Variants in SLIT3 observed in about 807,000 individuals in gnomAD.
SLIT3 encodes the protein slit homolog 3 protein.
A neutral mutation model predicts 184.0 loss-of-function variants in SLIT3; 68 were observed. That is an observed-to-expected ratio of 0.37 (90% CI 0.30 to 0.45). SLIT3 has a LOEUF of 0.45. Among genes scored for constraint, SLIT3 ranks in the 20% least tolerant of loss-of-function variants. The pLI is 1.00. For synonymous variants in SLIT3, 831 were observed against 828.6 expected (o/e 1.00, Z -0.05); for missense variants, 1,707 against 2,026.0 (o/e 0.84, Z 3.02).
At chr5:169,261,380 C>T (rs1277865296) in intron 1 of SLIT3, among the ~76,000 whole-genome samples, 3 of 152,216 alleles carry the variant, frequency 2.0e-5, no homozygotes, top group African/African-American at 7.2e-5. Flanking sequence ...AGGATAACTG[C>T]CAGCAGATTT....
rs10074354 is a variant in SLIT3 at position 168,801,084 on chromosome 5, C to A, written c.935+5362G>T. ...AATGTGCTTAAAGTAAGAGGCAGAA[C>A]AAGGATTCGAACCCCCAAGTGTGGA... is the stretch of plus-strand genomic sequence containing the variant. On this transcript the variant is annotated intron_variant, in intron 9 of 35. Coordinates refer to ENST00000519560, the MANE Select transcript of SLIT3 (RefSeq NM_003062.4). 1.3e-3 allele frequency among the ~76,000 whole-genome samples: 200 copies of A among 152,308 alleles called. 1 individual carries two copies. Among genetic ancestry groups the A allele is most frequent in the African/African-American group, 4.4e-3 (183 of 41,570 alleles).
chr5:168,854,796 G>A (rs1758802634), intron 5 of SLIT3, among the ~76,000 whole-genome samples: 2 of 152,200 alleles, frequency 1.3e-5, no homozygotes, highest in South Asian at 2.1e-4. Context: ...TGTTCGGGGT[G>A]AGTGGCCATT....
intron 26 of SLIT3, among the ~76,000 whole-genome samples, chr5:168,705,511 GTCA>G (rs1291713168): frequency 1.3e-5 from 2 of 151,852 alleles, no homozygotes; most frequent in Admixed American, 1.3e-4. Context: ...TGTCACCTTT[GTCA>G]TCATCACCGA....
chr5:168,836,343 A>C (rs2113698131), intron 6 of SLIT3, among the ~76,000 whole-genome samples: 1 of 152,228 alleles, frequency 6.6e-6, no homozygotes, highest in African/African-American at 2.4e-5. Context: ...ACATTCTCAA[A>C]TACTGGTCAC....
intron 7 of SLIT3, among the ~76,000 whole-genome samples, chr5:168,818,319 G>A (rs967080633): frequency 6.6e-6 from 1 of 152,196 alleles, no homozygotes; most frequent in Non-Finnish European, 1.5e-5. Context: ...AAGAATCCCT[G>A]GAGGGATCTG....
At chr5:169,016,776 G>A (rs1756396250) in intron 4 of SLIT3, among the ~76,000 whole-genome samples, 1 of 152,184 alleles carries the variant, frequency 6.6e-6, no homozygotes, top group African/African-American at 2.4e-5. Context: ...AGACCTCAAA[G>A]GCTTGGTGTG....
chr5:169,178,508 G>C (rs181422323), intron 4 of SLIT3, among the ~76,000 whole-genome samples: 3 of 152,294 alleles, frequency 2.0e-5, no homozygotes, highest in South Asian at 4.2e-4. Flanking sequence ...TCACACGTGC[G>C]ATCAGAGATT....
At chr5:169,062,136 A>T (rs1758192079) in intron 4 of SLIT3, among the ~76,000 whole-genome samples, 1 of 152,144 alleles carries the variant, frequency 6.6e-6, no homozygotes, top group Admixed American at 6.5e-5. Flanking sequence ...GTGAGCCGAG[A>T]TCACGCCACT....
chr5:168,967,435 A>ATTTTTTTTTTTTTTTTTTTT (rs556216624), intron 4 of SLIT3, among the ~76,000 whole-genome samples: 14 of 30,754 alleles, frequency 4.6e-4, no homozygotes, highest in African/African-American at 9.6e-4. Flanking sequence ...GCCATCTCAA[A>ATTTTTTTTTTTTTTTTTTTT]TCTTTTTTTT....
intron 3 of SLIT3, among the ~76,000 whole-genome samples, chr5:169,194,743 A>T (rs1581041127): frequency 2.0e-5 from 3 of 152,094 alleles, no homozygotes; most frequent in Admixed American, 2.0e-4. Context: ...CCCAGTAGGG[A>T]TGGCTCACAT....
At chr5:168,718,677 TACAC>T (rs1163238928) in intron 23 of SLIT3, among the ~76,000 whole-genome samples, 8,269 of 108,522 alleles carry the variant, frequency 0.076, 171 homozygotes, top group Middle Eastern at 0.087. Flanking sequence ...TATCCACCCA[TACAC>T]ACACACACAC....
intron 4 of SLIT3, among the ~76,000 whole-genome samples, chr5:169,185,173 A>C (rs983471493): frequency 6.6e-6 from 1 of 152,166 alleles, no homozygotes; most frequent in Non-Finnish European, 1.5e-5. Flanking sequence ...AAAGCATCAC[A>C]AACTCTGGAA....
chr5:169,184,819 C>T (rs772731455), intron 4 of SLIT3, among the ~76,000 whole-genome samples: 1 of 152,198 alleles, frequency 6.6e-6, no homozygotes, highest in Non-Finnish European at 1.5e-5. Flanking sequence ...ATTCTTAGGT[C>T]GTGTTCCAGA....
intron 5 of SLIT3, among the ~76,000 whole-genome samples, chr5:168,877,348 TGCAAAG>T (rs1759769617): frequency 6.6e-6 from 1 of 151,930 alleles, no homozygotes; most frequent in African/African-American, 2.4e-5. Flanking sequence ...GAGCAGCAAG[TGCAAAG>T]GTCCTGGGGC....
intron 4 of SLIT3, among the ~76,000 whole-genome samples, chr5:168,909,183 C>T (rs1562000821): frequency 1.3e-5 from 2 of 152,244 alleles, no homozygotes; most frequent in Non-Finnish European, 2.9e-5. Flanking sequence ...CCCCGAGCTG[C>T]TCTCACACAT....
At chr5:169,289,899 G>A (rs114819789) in intron 1 of SLIT3, among the ~76,000 whole-genome samples, 1,723 of 151,938 alleles carry the variant, frequency 0.011, 30 homozygotes, top group African/African-American at 0.04. Flanking sequence ...ACACACTAGG[G>A]CATATGCTAG....
chr5:168,772,960 G>A lies in SLIT3; in HGVS notation c.1296-16C>T, dbSNP rs762880976. 6.3e-7 allele frequency: 1 copy of A among 1,582,638 alleles called. No homozygotes were observed. Among genetic ancestry groups the A allele is most frequent in the Non-Finnish European group, 8.6e-7 (1 of 1,162,856 alleles). ...GGCTAAGTGGCTGCGAGAGGGATGG[G>A]GCCGTTAATCAGGAGTGACCCACGG... On this transcript the variant is annotated splice_polypyrimidine_tract_variant and intron_variant, in intron 13 of 35. Coordinates refer to ENST00000519560, the MANE Select transcript of SLIT3 (RefSeq NM_003062.4).
At chr5:169,077,104 T>G (rs1758774461) in intron 4 of SLIT3, among the ~76,000 whole-genome samples, 1 of 152,188 alleles carries the variant, frequency 6.6e-6, no homozygotes, top group African/African-American at 2.4e-5. Context: ...CTCTTCTTCC[T>G]CCTCTCTAGC....
intron 4 of SLIT3, among the ~76,000 whole-genome samples, chr5:168,900,225 T>A (rs920419687): frequency 6.6e-6 from 1 of 152,188 alleles, no homozygotes; most frequent in African/African-American, 2.4e-5. Flanking sequence ...GAAAACAGTA[T>A]GGTGATTTCT....
Sources: gnomAD v4.1 joint callset for allele counts (sites outside exome capture counted in the v4.1 genomes callset) on GRCh38, gnomAD v4.1.1 for gene constraint, MANE v1.5 for transcripts, NCBI Gene and HGNC (gene_info 2026-07-23, HGNC 2026-07-21) for gene names.